HDAC5: variants seen among roughly 807,000 people sequenced by gnomAD.
The protein encoded by HDAC5 is antigen NY-CO-9.
Under a neutral mutation model 133.3 loss-of-function variants are expected in HDAC5, and 25 were observed. The ratio of observed to expected loss-of-function variants is 0.19; its 90% CI spans 0.14 to 0.26. The LOEUF (loss-of-function observed/expected upper bound fraction) is 0.26, where lower values mean the gene tolerates loss of function less well. Ranked by LOEUF, HDAC5 falls within the 10% of genes least tolerant of loss-of-function variation. The pLI is 1.00. For missense variants in HDAC5, 1,041 were observed against 1,460.5 expected, an observed-to-expected ratio of 0.71 and a Z score of 4.68; for synonymous variants, 589 against 610.8, an observed-to-expected ratio of 0.96 and a Z score of 0.53.
rs1326419304 is a variant in HDAC5 at position 44,093,004 on chromosome 17, C to G, written c.641+88G>C. 2.4e-5 allele frequency: 22 copies of G among 926,652 alleles called. No individual in the cohort carries two copies. In the South Asian group the frequency reaches 3.7e-4, roughly 16 times the overall value. The allele number at this position is 926,652 out of a possible 1,614,324, so 57.4% of individuals were successfully genotyped here. On this transcript the variant is annotated intron_variant, in intron 6 of 26. Coordinates refer to ENST00000682912, the MANE Select transcript of HDAC5 (RefSeq NM_005474.5). Reference sequence around the variant, plus strand: ...AGAGATTGCAGGGCCCGTATATGGGCACGGGGAAGAAGCCCCTTGCCATCC... The same window carrying G: ...AGAGATTGCAGGGCCCGTATATGGGGACGGGGAAGAAGCCCCTTGCCATCC...
intron 18 of HDAC5, 66 bp downstream of exon 18, chr17:44,083,479 C>T: frequency 8.5e-7 from 1 of 1,169,822 alleles, no homozygotes; most frequent in Non-Finnish European, 1.2e-6. Context: ...CAAGGCTGCC[C>T]CTGTCCTCTG....
At chr17:44,115,159 C>A (rs1186582983) in intron 2 of HDAC5, among the ~76,000 whole-genome samples, 2 of 152,230 alleles carry the variant, frequency 1.3e-5, no homozygotes, top group African/African-American at 4.8e-5. Flanking sequence ...GAGGACTTGC[C>A]AAACTGAAAA....
Position 44,087,755 on chromosome 17 carries a change from A to T in HDAC5, c.1600-59T>A, listed in dbSNP as rs73308517. 2.4e-3 allele frequency: 3,609 copies of T among 1,509,066 alleles called. 53 individuals carry two copies. In the African/African-American group the frequency reaches 0.04, roughly 17 times the overall value. The allele number at this position is 1,509,066 out of a possible 1,614,324, so 93.5% of individuals were successfully genotyped here. A position where few individuals can be genotyped will look rare whatever the true frequency, so the allele number is the denominator to read the frequency against. On this transcript the variant is annotated intron_variant, in intron 12 of 26. Coordinates refer to ENST00000682912, the MANE Select transcript of HDAC5 (RefSeq NM_005474.5). ...AGTTGGGGAGCAGCTGTGCAGCCTA[A>T]AACCCAGAACAGTCTATCCTTCCCT...
In HDAC5 at chr17:44,097,470, G is replaced by A. The variant is rs181731986; in HGVS notation, c.95-3636C>T. Among the ~76,000 whole-genome samples, 399 of 152,326 alleles carry A rather than the reference G, an allele frequency of 2.6e-3. 8 individuals carry two copies. Among genetic ancestry groups the A allele is most frequent in the Non-Finnish European group, 1.2e-3 (79 of 68,026 alleles). On this transcript the variant is annotated intron_variant, in intron 3 of 26. Transcript: ENST00000682912. ...AACCCATGTCCTGCCCCAGCACCAG[G>A]AGAAAGGGTCCTTGGAAACTGCAGA...
intron 1 of HDAC5, among the ~76,000 whole-genome samples, chr17:44,119,117 T>C (rs769144776): frequency 1.3e-5 from 2 of 152,214 alleles, no homozygotes; most frequent in Non-Finnish European, 2.9e-5. Flanking sequence ...AAATTGCTCC[T>C]GACGGGCACA....
At chr17:44,079,051 A>C in intron 24 of HDAC5, 93 bp downstream of exon 24, 3 of 1,548,288 alleles carry the variant, frequency 1.9e-6, no homozygotes, top group Non-Finnish European at 2.6e-6. Context: ...GGACCAAGGA[A>C]AAGCTTCCTA....
At chr17:44,087,761 A>C in intron 12 of HDAC5, 65 bp from the exon 13 acceptor site, 1 of 1,491,296 alleles carries the variant, frequency 6.7e-7, no homozygotes, top group South Asian at 1.4e-5. Flanking sequence ...CCTAAAACCC[A>C]GAACAGTCTA....
At chr17:44,096,341 A>T (rs1368819556) in intron 3 of HDAC5, among the ~76,000 whole-genome samples, 1 of 152,132 alleles carries the variant, frequency 6.6e-6, no homozygotes, top group African/African-American at 2.4e-5. Context: ...AGGCCTGAGA[A>T]AAAAGGACCC....
intron 11 of HDAC5, among the ~76,000 whole-genome samples, chr17:44,090,222 G>T (rs1288610960): frequency 1.3e-5 from 2 of 151,766 alleles, no homozygotes; most frequent in South Asian, 2.1e-4. Context: ...AACAGAGCGA[G>T]ACTCAGTCTC....
intron 18 of HDAC5, 141 bp from the exon 19 acceptor site, chr17:44,082,961 T>C (rs1158930788): frequency 4.3e-5 from 31 of 726,694 alleles, no homozygotes; most frequent in African/African-American, 8.9e-5. Flanking sequence ...TGCACAATTT[T>C]GTTGGGGTTT....
intron 11 of HDAC5, 56 bp from the exon 12 acceptor site, chr17:44,088,654 C>G (rs771494558): frequency 1.7e-5 from 26 of 1,572,724 alleles, no homozygotes; most frequent in Non-Finnish European, 2.1e-5. Context: ...GACTGCCCTC[C>G]CACCGACCCT....
intron 3 of HDAC5, among the ~76,000 whole-genome samples, chr17:44,105,965 G>A (rs2051910149): frequency 6.6e-6 from 1 of 152,056 alleles, no homozygotes; most frequent in African/African-American, 2.4e-5. Context: ...AACCTTTGTT[G>A]GGGGGGCAGG....
rs1246387803 is a variant in HDAC5 at position 44,117,956 on chromosome 17, G to C, written c.-189-252C>G. 3.3e-5 allele frequency among the ~76,000 whole-genome samples: 5 copies of C among 152,216 alleles called. No individual in the cohort carries two copies. Among genetic ancestry groups the C allele is most frequent in the Non-Finnish European group, 4.4e-5 (3 of 68,032 alleles). On this transcript the variant is annotated intron_variant, in intron 1 of 26. Transcript: ENST00000682912. The surrounding 1 kb of genome is among the most constrained non-coding windows in gnomAD (Gnocchi z 4.2). ...ACCCAACAGACCCCTTTTCAGGTGA[G>C]TGTCTACTGCCAGCTGGGGAGACCC...
chr17:44,105,123 G>A (rs1200004631), intron 3 of HDAC5, among the ~76,000 whole-genome samples: 1 of 152,160 alleles, frequency 6.6e-6, no homozygotes, highest in African/African-American at 2.4e-5. Context: ...AAACATTAAG[G>A]CCCGGTCTCA....
At chr17:44,083,278 A>G (rs971420836) in intron 18 of HDAC5, among the ~76,000 whole-genome samples, 1 of 152,126 alleles carries the variant, frequency 6.6e-6, no homozygotes, top group Non-Finnish European at 1.5e-5. Context: ...GCCTCAACGG[A>G]CCATTTTGAA....
intron 3 of HDAC5, among the ~76,000 whole-genome samples, chr17:44,103,699 G>A (rs1193199953): frequency 6.6e-6 from 1 of 151,750 alleles, no homozygotes; most frequent in Non-Finnish European, 1.5e-5. Context: ...CCACTTCTCA[G>A]AATGGTTTTT....
At chr17:44,082,925 C>T (rs2050464162) in intron 18 of HDAC5, 105 bp from the exon 19 acceptor site, 1 of 972,026 alleles carries the variant, frequency 1.0e-6, no homozygotes, top group African/African-American at 1.6e-5. Flanking sequence ...TGAACACAAA[C>T]CAGAAAAGCA....
intron 1 of HDAC5, chr17:44,120,312 T>C (rs1209139413): frequency 6.6e-6 from 1 of 152,294 alleles, no homozygotes; most frequent in Non-Finnish European, 1.5e-5. Context: ...AGTACCACCA[T>C]GCAACCCCCT....
At chr17:44,095,415 G>A (rs1295214156) in intron 3 of HDAC5, among the ~76,000 whole-genome samples, 1 of 152,172 alleles carries the variant, frequency 6.6e-6, no homozygotes, top group African/African-American at 2.4e-5. Flanking sequence ...GGTAACCCCA[G>A]GAGAGGCTGG....
Sources: allele counts gnomAD v4.1 joint callset (sites outside exome capture counted in the v4.1 genomes callset), GRCh38; gene constraint gnomAD v4.1.1; non-coding constraint Gnocchi (gnomAD v3.1); transcripts MANE v1.5; gene names NCBI Gene and HGNC (gene_info 2026-07-23, HGNC 2026-07-21).